CMSS1: variants seen among roughly 807,000 people sequenced by gnomAD.
The protein encoded by CMSS1 is cms1 ribosomal small subunit homolog.
A neutral mutation model predicts 43.5 loss-of-function variants in CMSS1; 33 were observed. The observed-to-expected ratio is 0.76, with a 90% CI of 0.57 to 1.01. The LOEUF (loss-of-function observed/expected upper bound fraction) is 1.01. Among genes scored for constraint, CMSS1 ranks in the 50% least tolerant of loss-of-function variants. The pLI, the probability that CMSS1 is intolerant of heterozygous loss-of-function variation, is 0.00. For missense variants in CMSS1, 313 were observed against 326.4 expected, an observed-to-expected ratio of 0.96 and a Z score of 0.32; for synonymous variants, 115 against 117.2, an observed-to-expected ratio of 0.98 and a Z score of 0.12.
chr3:99,849,899 G>A, intron 1 of CMSS1: 2 of 1,611,940 alleles, frequency 1.2e-6, no homozygotes, highest in Non-Finnish European at 1.7e-6. Context: ...TCCAATGATT[G>A]AAGCCTATTT....
chr3:100,002,805 C>G (rs1709880915), intron 1 of CMSS1, among the ~76,000 whole-genome samples: 1 of 152,088 alleles, frequency 6.6e-6, no homozygotes, highest in Admixed American at 6.5e-5. Context: ...GTTATACATC[C>G]CACCCCTATG....
In CMSS1 at chr3:100,178,210, G is replaced by A. The variant is rs980654802; in HGVS notation, c.757-95G>A. On this transcript the variant is annotated intron_variant, in intron 9 of 9. Transcript: ENST00000421999. ...CTCTCTGATTCTGGCCATAACAGCTGGGTAAATATCAGGGAGTCCTGATGG... is the reference window on the plus strand; with the variant it reads ...CTCTCTGATTCTGGCCATAACAGCTAGGTAAATATCAGGGAGTCCTGATGG... 2.3e-5 allele frequency: 16 copies of A among 684,144 alleles called. 1 individual carries two copies. Among genetic ancestry groups the A allele is most frequent in the East Asian group, 1.9e-4 (7 of 37,380 alleles). 42.4% of individuals were successfully genotyped at this position (684,144 alleles called of 1,614,324 possible).
chr3:99,914,108 T>A (rs1360802187), intron 1 of CMSS1, among the ~76,000 whole-genome samples: 2 of 152,202 alleles, frequency 1.3e-5, no homozygotes, highest in African/African-American at 4.8e-5. Flanking sequence ...ATCCCACTAT[T>A]TTCAACAAAT....
intron 1 of CMSS1, among the ~76,000 whole-genome samples, chr3:100,037,247 A>G (rs2065122869): frequency 6.6e-6 from 1 of 152,170 alleles, no homozygotes; most frequent in South Asian, 2.1e-4. Context: ...TTAGAGGCAA[A>G]GGGACATGAT....
chr3:100,034,011 T>C (rs2065064451), intron 1 of CMSS1, among the ~76,000 whole-genome samples: 1 of 152,336 alleles, frequency 6.6e-6, no homozygotes, highest in Admixed American at 6.5e-5. Flanking sequence ...GGTTATTTGA[T>C]TGAAGAAACA....
At chr3:99,942,409 A>C (rs1168341781) in intron 1 of CMSS1, among the ~76,000 whole-genome samples, 2 of 152,206 alleles carry the variant, frequency 1.3e-5, no homozygotes, top group Admixed American at 1.3e-4. Context: ...AATATTGAGG[A>C]TCTCTGAAGA....
At chr3:100,170,826 T>G (rs1021697733) in intron 6 of CMSS1, among the ~76,000 whole-genome samples, 1 of 152,214 alleles carries the variant, frequency 6.6e-6, no homozygotes, top group Admixed American at 6.5e-5. Flanking sequence ...AGAAACTAAA[T>G]GGACTGCCTG....
At chr3:100,057,998 G>A (rs1202959251) in intron 1 of CMSS1, among the ~76,000 whole-genome samples, 1 of 152,184 alleles carries the variant, frequency 6.6e-6, no homozygotes, top group Non-Finnish European at 1.5e-5. Context: ...CTCTCTGTGA[G>A]GTACTATGCT....
intron 1 of CMSS1, among the ~76,000 whole-genome samples, chr3:100,001,557 A>G (rs1423336707): frequency 6.6e-6 from 1 of 152,164 alleles, no homozygotes; most frequent in Non-Finnish European, 1.5e-5. Context: ...TGCTTTTCGT[A>G]GGAAGAAAGT....
At chr3:99,907,210 T>C (rs914232725) in intron 1 of CMSS1, among the ~76,000 whole-genome samples, 2 of 152,150 alleles carry the variant, frequency 1.3e-5, no homozygotes, top group Non-Finnish European at 2.9e-5. Context: ...TGGAATGGTG[T>C]GGAATAGTTA....
intron 1 of CMSS1, chr3:99,848,114 T>C: frequency 6.9e-7 from 1 of 1,458,958 alleles, no homozygotes; most frequent in Non-Finnish European, 9.0e-7. Context: ...TCGATATGAC[T>C]ATGCAGGCAA....
chr3:99,939,600 A>ATAC (rs1707795076), intron 1 of CMSS1, among the ~76,000 whole-genome samples: 2 of 152,242 alleles, frequency 1.3e-5, no homozygotes, highest in Non-Finnish European at 2.9e-5. Flanking sequence ...GTGAAGGTAT[A>ATAC]TACTCAGGGA....
At chr3:99,899,007 A>G (rs1706352173) in intron 1 of CMSS1, among the ~76,000 whole-genome samples, 1 of 152,104 alleles carries the variant, frequency 6.6e-6, no homozygotes, top group African/African-American at 2.4e-5. Context: ...ATCACCTGAG[A>G]AGGCTGGAAC....
intron 1 of CMSS1, among the ~76,000 whole-genome samples, chr3:100,032,234 A>G (rs1033620106): frequency 6.6e-6 from 1 of 152,244 alleles, no homozygotes; most frequent in Non-Finnish European, 1.5e-5. Flanking sequence ...CCTCTTTCAG[A>G]GAGAGCAGAT....
chr3:99,899,699 T>C (rs769559873), intron 1 of CMSS1, among the ~76,000 whole-genome samples: 1 of 152,200 alleles, frequency 6.6e-6, no homozygotes, highest in Non-Finnish European at 1.5e-5. Context: ...TCCTTGATTG[T>C]GATTCCATTA....
chr3:99,902,820 G>A (rs1706479362), intron 1 of CMSS1, among the ~76,000 whole-genome samples: 1 of 152,148 alleles, frequency 6.6e-6, no homozygotes, highest in Non-Finnish European at 1.5e-5. Flanking sequence ...AATGGTAATG[G>A]GGTAACTTCC....
intron 1 of CMSS1, among the ~76,000 whole-genome samples, chr3:99,877,336 G>A (rs2107597144): frequency 6.6e-6 from 1 of 152,224 alleles, no homozygotes; most frequent in South Asian, 2.1e-4. Context: ...CAAGAATGAC[G>A]AAAATAGTCT....
At chr3:100,115,625 C>CTCTG (rs2066558857) in intron 1 of CMSS1, among the ~76,000 whole-genome samples, 11 of 122,534 alleles carry the variant, frequency 9.0e-5, no homozygotes, top group African/African-American at 9.9e-5. Context: ...CTCTCTCTCT[C>CTCTG]TCTGTCTCTC....
intron 1 of CMSS1, among the ~76,000 whole-genome samples, chr3:100,087,919 C>G (rs1257586957): frequency 2.0e-5 from 3 of 151,154 alleles, no homozygotes; most frequent in Admixed American, 6.6e-5. Context: ...CAACCTCCAC[C>G]TCCAGGGTTC....
Sources: allele counts gnomAD v4.1 joint callset (sites outside exome capture counted in the v4.1 genomes callset), GRCh38; gene constraint gnomAD v4.1.1; transcripts MANE v1.5; gene names NCBI Gene and HGNC (gene_info 2026-07-23, HGNC 2026-07-21).